Variants in PDE7B observed in about 807,000 individuals in gnomAD.
PDE7B encodes the protein 3',5'-cyclic-AMP phosphodiesterase 7B.
Under a neutral mutation model 56.2 loss-of-function variants are expected in PDE7B, and 29 were observed. That is an observed-to-expected ratio of 0.52 (90% CI 0.38 to 0.70). PDE7B has a LOEUF of 0.70. PDE7B is among the 30% of genes least tolerant of loss of function. PDE7B has a pLI of 0.00. For synonymous variants in PDE7B, 197 were observed against 196.9 expected, an observed-to-expected ratio of 1.00 and a Z score of 0.00; for missense variants, 490 against 565.0, an observed-to-expected ratio of 0.87 and a Z score of 1.35.
At chr6:135,962,633 A>G (rs1472268502) in intron 2 of PDE7B, among the ~76,000 whole-genome samples, 4 of 152,158 alleles carry the variant, frequency 2.6e-5, no homozygotes, top group African/African-American at 9.7e-5. Context: ...TAAAACCTAC[A>G]TCTCCCAAGT....
At chr6:135,856,252 C>A (rs1775024563) in intron 1 of PDE7B, among the ~76,000 whole-genome samples, 1 of 152,154 alleles carries the variant, frequency 6.6e-6, no homozygotes, top group African/African-American at 2.4e-5. Context: ...CGCTCCATTT[C>A]TCTTGTATCA....
chr6:135,974,783 G>A (rs184372861), intron 2 of PDE7B, among the ~76,000 whole-genome samples: 8 of 152,276 alleles, frequency 5.3e-5, no homozygotes, highest in African/African-American at 1.9e-4. Context: ...TGCAAATCTG[G>A]AGTCCTCCTG....
At chr6:135,879,167 G>C (rs1453479218) in intron 1 of PDE7B, among the ~76,000 whole-genome samples, 1 of 151,886 alleles carries the variant, frequency 6.6e-6, no homozygotes, top group Admixed American at 6.6e-5. Context: ...CCCATGAATT[G>C]GATATACCAT....
Position 136,131,494 on chromosome 6 carries a change from G to GTTTTT in PDE7B, c.167-15836_167-15832dup, listed in dbSNP as rs1201361799. 1.6e-3 allele frequency among the ~76,000 whole-genome samples: 138 copies of GTTTTT among 84,704 alleles called. 2 individuals are homozygous for GTTTTT. Among genetic ancestry groups the GTTTTT allele is most frequent in the African/African-American group, 4.6e-3 (98 of 21,124 alleles). 55.6% of individuals were successfully genotyped at this position (84,704 alleles called of 152,430 possible). A position where few individuals can be genotyped will look rare whatever the true frequency, so the allele number is the denominator to read the frequency against. On this transcript the variant is annotated intron_variant, in intron 3 of 12. Transcript: ENST00000308191. ...TATGCATCCCTGTGCATCCTGGCAG[G>GTTTTT]TTTTTTTTTTTTTTTTTTTTTTTTT...
At chr6:136,055,046 T>C (rs1776706343) in intron 2 of PDE7B, among the ~76,000 whole-genome samples, 1 of 152,172 alleles carries the variant, frequency 6.6e-6, no homozygotes, top group Non-Finnish European at 1.5e-5. Context: ...TGGAACTGTC[T>C]TTCATTGTGA....
chr6:136,065,370 T>C (rs770723967), intron 2 of PDE7B, among the ~76,000 whole-genome samples: 1 of 152,240 alleles, frequency 6.6e-6, no homozygotes, highest in Non-Finnish European at 1.5e-5. Flanking sequence ...TGAGAAGTCA[T>C]ACTAATGATT....
chr6:136,181,774 AT>A lies in PDE7B; in HGVS notation c.1045+452del, dbSNP rs374197828. On this transcript the variant is annotated intron_variant, in intron 11 of 12. Transcript: ENST00000308191. The stretch of plus-strand genomic sequence containing the variant: ...TCCTTGCTTTCTTAAAAAAAAAAAA[AT>A]AATGAAATTGGACACAGCTGACCAA... Among the ~76,000 whole-genome samples, 37 of 152,018 alleles carry A rather than the reference AT, an allele frequency of 2.4e-4. No homozygotes were observed. In the South Asian group the frequency reaches 4.4e-3, roughly 18 times the overall value.
chr6:135,928,487 TTA>T lies in PDE7B; in HGVS notation c.22-18965_22-18964del, dbSNP rs377734996. On this transcript the variant is annotated intron_variant, in intron 1 of 12. Coordinates refer to ENST00000308191, the MANE Select transcript of PDE7B (RefSeq NM_018945.4). ...TATTTATTTATATATATATATTTATTTATATATATATATTTATATATATATAT... is the reference window on the plus strand; with the variant it reads ...TATTTATTTATATATATATATTTATTTATATATATATTTATATATATATAT... Among the ~76,000 whole-genome samples the T allele has an allele frequency of 1.3e-3, 114 of 85,468 alleles. 5 individuals carry two copies. The highest frequency in any genetic ancestry group is 2.9e-3 in the Admixed American group (16 of 5,466). The allele number at this position is 85,468 out of a possible 152,430, so 56.1% of individuals were successfully genotyped here.
intron 1 of PDE7B, among the ~76,000 whole-genome samples, chr6:135,872,730 C>T (rs192741052): frequency 7.2e-5 from 11 of 152,268 alleles, no homozygotes; most frequent in Admixed American, 4.6e-4. Context: ...TAACTGAAGT[C>T]TATTATGGAA....
intron 2 of PDE7B, among the ~76,000 whole-genome samples, chr6:136,079,367 C>G (rs1388546099): frequency 6.6e-6 from 1 of 152,156 alleles, no homozygotes; most frequent in African/African-American, 2.4e-5. Context: ...TTGTTCCATA[C>G]AGTAGCCCTA....
chr6:136,043,816 A>C (rs1428488904), intron 2 of PDE7B: 3 of 152,210 alleles, frequency 2.0e-5, no homozygotes, highest in Non-Finnish European at 4.4e-5. Flanking sequence ...GATTTAGATC[A>C]ACAGTGTTAA....
At chr6:136,141,084 A>G (rs1308056762) in intron 3 of PDE7B, among the ~76,000 whole-genome samples, 1 of 152,138 alleles carries the variant, frequency 6.6e-6, no homozygotes, top group African/African-American at 2.4e-5. Flanking sequence ...CCCATTCAGT[A>G]TGATATTAGC....
At chr6:136,058,306 T>C (rs1325157479) in intron 2 of PDE7B, among the ~76,000 whole-genome samples, 1 of 152,180 alleles carries the variant, frequency 6.6e-6, no homozygotes, top group Non-Finnish European at 1.5e-5. Context: ...TTTCAGAGTT[T>C]GGATAATCTT....
At chr6:136,071,659 G>C (rs1777052376) in intron 2 of PDE7B, among the ~76,000 whole-genome samples, 1 of 152,162 alleles carries the variant, frequency 6.6e-6, no homozygotes, top group Non-Finnish European at 1.5e-5. Context: ...CAAGTGTAGT[G>C]GTGCATGCCT....
intron 1 of PDE7B, among the ~76,000 whole-genome samples, chr6:135,873,023 C>CTA (rs1775416363): frequency 6.6e-6 from 1 of 152,130 alleles, no homozygotes; most frequent in South Asian, 2.1e-4. Flanking sequence ...ATACTTCATT[C>CTA]TGTAAATAGA....
chr6:135,857,470 G>A (rs1775057519), intron 1 of PDE7B, among the ~76,000 whole-genome samples: 1 of 152,050 alleles, frequency 6.6e-6, no homozygotes, highest in Non-Finnish European at 1.5e-5. Flanking sequence ...TCTGGCGTGG[G>A]GGTGGGGTCC....
intron 2 of PDE7B, among the ~76,000 whole-genome samples, chr6:135,983,567 GT>G (rs1417413249): frequency 1.3e-5 from 2 of 152,084 alleles, no homozygotes; most frequent in Non-Finnish European, 2.9e-5. Context: ...GCCTATAAAG[GT>G]TTTTTAAAAT....
rs181585519 is a variant in PDE7B at position 136,040,435 on chromosome 6, T to C, written c.83-68296T>C. Among the ~76,000 whole-genome samples, 7 of 152,328 alleles carry C rather than the reference T, an allele frequency of 4.6e-5. No homozygotes were observed. The East Asian group carries it at 1.4e-3, about 29-fold the overall frequency. The stretch of plus-strand genomic sequence containing the variant: ...AGATGAGTGGCTTCACTTTCCAAAC[T>C]GTCTCTTACCTTCTTCCTTACTCAT... On this transcript the variant is annotated intron_variant, in intron 2 of 12. Coordinates refer to ENST00000308191, the MANE Select transcript of PDE7B (RefSeq NM_018945.4).
chr6:135,914,356 G>A (rs1344749016), intron 1 of PDE7B, among the ~76,000 whole-genome samples: 1 of 150,850 alleles, frequency 6.6e-6, no homozygotes, highest in East Asian at 1.9e-4. Flanking sequence ...ATTTTTTGTC[G>A]ACCCCTGCCC....
Sources: allele counts gnomAD v4.1 joint callset (sites outside exome capture counted in the v4.1 genomes callset), GRCh38; gene constraint gnomAD v4.1.1; transcripts MANE v1.5; gene names NCBI Gene and HGNC (gene_info 2026-07-23, HGNC 2026-07-21).